Variants in TESPA1 observed in about 807,000 individuals in gnomAD.
TESPA1 encodes protein TESPA1.
Under a neutral mutation model 57.9 loss-of-function variants are expected in TESPA1, and 33 were observed. That is an observed-to-expected ratio of 0.57 (90% confidence interval 0.43 to 0.76). The LOEUF (loss-of-function observed/expected upper bound fraction) is 0.76, where lower values mean the gene tolerates loss of function less well. Among genes scored for constraint, TESPA1 ranks in the 30% least tolerant of loss-of-function variants. TESPA1 has a pLI of 0.00. For missense variants in TESPA1, 618 were observed against 632.9 expected, an observed-to-expected ratio of 0.98 and a Z score of 0.25; for synonymous variants, 227 against 228.9, an observed-to-expected ratio of 0.99 and a Z score of 0.07.
chr12:54,968,096 T>A (rs933527273), intron 3 of TESPA1: 1 of 1,304,844 alleles, frequency 7.7e-7, no homozygotes, highest in African/African-American at 1.5e-5. Context: ...GGGGCTGGAA[T>A]GCACTATATT....
At chr12:54,957,315 CT>C (rs1021870435) in intron 10 of TESPA1, among the ~76,000 whole-genome samples, 5 of 152,150 alleles carry the variant, frequency 3.3e-5, no homozygotes, top group African/African-American at 7.2e-5. Flanking sequence ...TAGTTAATAC[CT>C]GGAACTTAAA....
At chr12:54,965,166 G>T (rs115486485) in intron 7 of TESPA1, among the ~76,000 whole-genome samples, 2 of 152,056 alleles carry the variant, frequency 1.3e-5, no homozygotes, top group South Asian at 2.1e-4. Context: ...CTATTTGTCC[G>T]CTTCATCTTT....
intron 1 of TESPA1, among the ~76,000 whole-genome samples, chr12:54,983,631 G>A (rs1201356904): frequency 1.3e-5 from 2 of 152,142 alleles, no homozygotes; most frequent in Admixed American, 6.5e-5. Flanking sequence ...TCCTGTAAAT[G>A]CTCACAGTCT....
intron 1 of TESPA1, among the ~76,000 whole-genome samples, chr12:54,978,839 G>A (rs1952218456): frequency 6.6e-6 from 1 of 152,172 alleles, no homozygotes; most frequent in Middle Eastern, 3.2e-3. Context: ...ACCCATGCCT[G>A]CGCCATATGC....
Position 54,974,430 on chromosome 12 carries a change from G to T in TESPA1, c.133C>A (p.Pro45Thr). ...AALQDVPDPE[P>T]SSLDDVFQEG... The stretch of plus-strand genomic sequence containing the variant: ...TGGAAAACGTCATCCAGGCTGGAAG[G>T]CTCAGGATCTGGGACATCCTGCAGG... The change falls in exon 2 of 11, where the codon CCT (proline) becomes ACT (threonine). Residue 45 changes from proline to threonine, a missense_variant. Physicochemically the swap from Pro to Thr is conservative, Grantham distance 38. Around this residue, in one of 3 missense-constraint regions of TESPA1, gnomAD observed 199 missense variants for 184.0 expected, o/e 1.08. Transcript: ENST00000449076. 6.2e-7 allele frequency: 1 copy of T among 1,609,880 alleles called. No homozygotes were observed. The highest frequency in any genetic ancestry group is 8.5e-7 in the Non-Finnish European group (1 of 1,178,174).
intron 10 of TESPA1, among the ~76,000 whole-genome samples, chr12:54,954,249 T>A (rs1950597897): frequency 6.6e-6 from 1 of 152,244 alleles, no homozygotes; most frequent in Non-Finnish European, 1.5e-5. Context: ...TAGTTCTGGC[T>A]CTGACACTAA....
intron 3 of TESPA1, among the ~76,000 whole-genome samples, chr12:54,969,527 C>A (rs1228893896): frequency 1.3e-5 from 2 of 151,994 alleles, no homozygotes; most frequent in Admixed American, 1.3e-4. Context: ...ATAGGTTCCC[C>A]CAAGTAAATA....
At chr12:54,984,340 A>T (rs1164509438) in intron 1 of TESPA1, among the ~76,000 whole-genome samples, 1 of 152,214 alleles carries the variant, frequency 6.6e-6, no homozygotes, top group African/African-American at 2.4e-5. Context: ...AGTTTTGAGA[A>T]TCTAGAAAGA....
chr12:54,950,573 G>A (rs1052844782), intron 10 of TESPA1, among the ~76,000 whole-genome samples, 183 bp from the exon 11 acceptor site: 2 of 152,168 alleles, frequency 1.3e-5, no homozygotes, highest in African/African-American at 4.8e-5. Flanking sequence ...TTTTCATCAT[G>A]AGGTGAGATT....
intron 1 of TESPA1, among the ~76,000 whole-genome samples, chr12:54,975,178 A>G (rs1196758653): frequency 6.6e-6 from 1 of 151,862 alleles, no homozygotes; most frequent in East Asian, 1.9e-4. Flanking sequence ...CCTGTTTTAT[A>G]TATTAGGAGT....
At position 54,981,135 on chromosome 12, in the gene TESPA1, A is replaced by G. The variant is rs75726574; in HGVS notation, c.-46+3450T>C. Among the ~76,000 whole-genome samples the G allele has an allele frequency of 7.4e-3, 1,129 of 152,084 alleles. 13 individuals carry two copies. Among genetic ancestry groups the G allele is most frequent in the African/African-American group, 0.026 (1,060 of 41,448 alleles). ...GATACTGTGCCAAACTAGTTGGGTGATTGGCAGTTGTAATCAGGTAACACA... is the reference window on the plus strand; with the variant it reads ...GATACTGTGCCAAACTAGTTGGGTGGTTGGCAGTTGTAATCAGGTAACACA... On this transcript the variant is annotated intron_variant, in intron 1 of 10. Coordinates refer to ENST00000449076, the MANE Select transcript of TESPA1 (RefSeq NM_001136030.3).
chr12:54,978,207 A>C (rs1441897643), intron 1 of TESPA1, among the ~76,000 whole-genome samples: 5 of 152,222 alleles, frequency 3.3e-5, no homozygotes, highest in African/African-American at 1.2e-4. Flanking sequence ...AAGTCATTCG[A>C]AAACGTACAC....
chr12:54,963,088 C>G lies in TESPA1; in HGVS notation c.810G>C (p.Leu270=). ...GTGACTGGGGTTCAGGCTCTCGGGA[C>G]AGAATCCTGATGGATGGCACATCAG... ...HPTDVPSIRI[L]SREPEPQSPR... is the part of the protein sequence containing the mutation. The change falls in exon 9 of 11, where the codon CTG becomes CTC. Residue 270 remains leucine (L), a synonymous_variant. Transcript: ENST00000449076. 1.2e-6 allele frequency: 2 copies of G among 1,613,940 alleles called. No homozygotes were observed. The highest frequency in any genetic ancestry group is 2.2e-5 in the East Asian group (1 of 44,870).
Position 54,966,118 on chromosome 12 carries a change from T to C in TESPA1, c.381A>G (p.Leu127=), listed in dbSNP as rs1370966436. The C allele has an allele frequency of 6.3e-7, 1 of 1,575,280 alleles. No homozygotes were observed. Residue 127 remains leucine (L), a synonymous_variant, in exon 7 of 11, where the codon CTA becomes CTG. Coordinates refer to ENST00000449076, the MANE Select transcript of TESPA1 (RefSeq NM_001136030.3). The stretch of plus-strand genomic sequence containing the variant: ...AAGCCAAACTACAGCCAAGATCAAG[T>C]AGCTGGCAAGGCCTGGCTGTCTCGA... ...SFLETARPCQ[L]LDLGCSLASS... is the part of the protein sequence containing the mutation.
At chr12:54,951,439 C>T (rs1026072652) in intron 10 of TESPA1, among the ~76,000 whole-genome samples, 7 of 152,218 alleles carry the variant, frequency 4.6e-5, no homozygotes, top group African/African-American at 1.4e-4. Context: ...TGAGAAGAGA[C>T]TCATACAATT....
intron 3 of TESPA1, among the ~76,000 whole-genome samples, chr12:54,972,154 C>A (rs1458372818): frequency 6.6e-6 from 1 of 152,194 alleles, no homozygotes; most frequent in Non-Finnish European, 1.5e-5. Context: ...TTTTCACTAA[C>A]CAGACCACCT....
chr12:54,981,884 A>AC (rs1298779323), intron 1 of TESPA1: 1 of 152,168 alleles, frequency 6.6e-6, no homozygotes, highest in African/African-American at 2.4e-5. Context: ...GCTCTAGGGG[A>AC]CATGTATGAG....
chr12:54,977,770 GA>G (rs1952186336), intron 1 of TESPA1, among the ~76,000 whole-genome samples: 1 of 152,188 alleles, frequency 6.6e-6, no homozygotes, highest in African/African-American at 2.4e-5. Flanking sequence ...AAGTCTTGAA[GA>G]AAAGACACAA....
chr12:54,971,795 C>T (rs567109831), intron 3 of TESPA1, among the ~76,000 whole-genome samples: 2 of 152,094 alleles, frequency 1.3e-5, no homozygotes, highest in African/African-American at 4.8e-5. Context: ...AATTCTTTTC[C>T]TTCTTCCAGG....
Sources: gnomAD v4.1 joint callset for allele counts (sites outside exome capture counted in the v4.1 genomes callset) on GRCh38, gnomAD v4.1.1 for gene constraint, gnomAD v4.1.1 regional missense constraint, MANE v1.5 for transcripts, NCBI Gene and HGNC (gene_info 2026-07-23, HGNC 2026-07-21) for gene names.